The following NRG3 variants were observed in gnomAD, a reference collection of about 807,000 sequenced individuals.
NRG3 encodes the protein neuregulin 3, also known as pro-neuregulin-3, membrane-bound isoform.
A neutral mutation model predicts 66.9 loss-of-function variants in NRG3; 31 were observed. That is an observed-to-expected ratio of 0.46 (90% CI 0.35 to 0.63). NRG3 has a LOEUF of 0.63. NRG3 is among the 20% of genes least tolerant of loss of function. NRG3 has a pLI of 0.00. For synonymous variants in NRG3, 393 were observed against 359.4 expected (o/e 1.09, Z -1.06); for missense variants, 910 against 878.9 (o/e 1.04, Z -0.45).
chr10:82,132,500 T>TATCATATATATATATG (rs374126088), intron 1 of NRG3, among the ~76,000 whole-genome samples: 2 of 46,916 alleles, frequency 4.3e-5, no homozygotes, highest in African/African-American at 1.4e-4. Context: ...ATGATATATA[T>TATCATATATATATATG]ATATCATATA....
intron 1 of NRG3, among the ~76,000 whole-genome samples, chr10:82,241,960 A>G (rs1589440424): frequency 6.6e-6 from 1 of 152,276 alleles, no homozygotes; most frequent in East Asian, 1.9e-4. Flanking sequence ...AGATTACTTG[A>G]TGTAAATTCA....
chr10:82,648,688 G>T (rs555570392), intron 2 of NRG3, among the ~76,000 whole-genome samples: 27 of 152,292 alleles, frequency 1.8e-4, no homozygotes, highest in Middle Eastern at 3.4e-3. Context: ...TCATTGAGCA[G>T]TGGTTTGTAG....
intron 4 of NRG3, among the ~76,000 whole-genome samples, chr10:82,896,081 T>A (rs1390085745): frequency 1.3e-5 from 2 of 152,290 alleles, no homozygotes; most frequent in Non-Finnish European, 1.5e-5. Flanking sequence ...GAGTGGTGTT[T>A]AAGAAATGGA....
At chr10:82,095,257 A>G (rs1303483544) in intron 1 of NRG3, among the ~76,000 whole-genome samples, 1 of 151,578 alleles carries the variant, frequency 6.6e-6, no homozygotes, top group African/African-American at 2.4e-5. Context: ...ATGTTTCTGT[A>G]CTTTTACATG....
At position 82,105,607 on chromosome 10, in the gene NRG3, G is replaced by A. The variant is rs528668539; in HGVS notation, c.823+229444G>A. On this transcript the variant is annotated intron_variant, in intron 1 of 8. Transcript: ENST00000372141. ...GTGTTTGACATTTATTTGTTTGTTT[G>A]CTTGTTGATGCCCTACGTCATCCTC... Among the ~76,000 whole-genome samples, 11 of 152,220 alleles carry A rather than the reference G, an allele frequency of 7.2e-5. No individual in the cohort carries two copies. In the South Asian group the frequency reaches 2.3e-3, roughly 32 times the overall value.
At chr10:82,643,326 A>G (rs1339293945) in intron 2 of NRG3, among the ~76,000 whole-genome samples, 4 of 152,076 alleles carry the variant, frequency 2.6e-5, no homozygotes, top group African/African-American at 9.7e-5. Flanking sequence ...GTTTCCCTGC[A>G]GAAGCTCTCT....
At chr10:82,890,618 A>G (rs1843069050) in intron 4 of NRG3, among the ~76,000 whole-genome samples, 2 of 152,272 alleles carry the variant, frequency 1.3e-5, no homozygotes, top group South Asian at 4.1e-4. Context: ...CTTTGTATAA[A>G]TGTGCTCATT....
intron 2 of NRG3, among the ~76,000 whole-genome samples, chr10:82,409,909 G>T (rs1481254869): frequency 1.3e-5 from 2 of 152,112 alleles, no homozygotes; most frequent in Non-Finnish European, 2.9e-5. Flanking sequence ...ATGTGGCTTT[G>T]TCAGCTTTGT....
intron 1 of NRG3, among the ~76,000 whole-genome samples, chr10:81,985,168 T>C (rs2060474414): frequency 6.6e-6 from 1 of 152,258 alleles, no homozygotes; most frequent in South Asian, 2.1e-4. Flanking sequence ...TCGAGACAAG[T>C]GTTGTTAATA....
intron 3 of NRG3, among the ~76,000 whole-genome samples, chr10:82,854,573 A>G (rs1226406340): frequency 6.6e-6 from 1 of 152,224 alleles, no homozygotes; most frequent in Non-Finnish European, 1.5e-5. Flanking sequence ...ATTGTGTAAA[A>G]CAAAATATAG....
chr10:82,985,014 T>C, intron 8 of NRG3, 84 bp from the exon 9 acceptor site: 2 of 1,494,072 alleles, frequency 1.3e-6, no homozygotes, highest in African/African-American at 1.4e-5. Context: ...AGATGGTGCA[T>C]GTGAAAAGTG....
chr10:82,051,423 G>A (rs1165195473), intron 1 of NRG3, among the ~76,000 whole-genome samples: 14 of 152,038 alleles, frequency 9.2e-5, no homozygotes, highest in Non-Finnish European at 2.9e-5. Flanking sequence ...CCGTGAGGAT[G>A]ACGTCTACTT....
At chr10:82,919,095 G>GTGTGTGTGTT (rs1478656368) in intron 4 of NRG3, among the ~76,000 whole-genome samples, 13 of 128,104 alleles carry the variant, frequency 1.0e-4, no homozygotes, top group Non-Finnish European at 8.3e-5. Flanking sequence ...GTGTGTGTGT[G>GTGTGTGTGTT]TGTGTATGTG....
At chr10:82,230,061 A>G (rs1241054823) in intron 1 of NRG3, 5 of 152,192 alleles carry the variant, frequency 3.3e-5, no homozygotes, top group African/African-American at 7.2e-5. Flanking sequence ...AAACGAATAT[A>G]TGGAGAAAAA....
chr10:82,646,579 A>G (rs556220682), intron 2 of NRG3, among the ~76,000 whole-genome samples: 1 of 152,318 alleles, frequency 6.6e-6, no homozygotes, highest in Non-Finnish European at 1.5e-5. Context: ...ACAAAGCTAG[A>G]TGTTGGTTAA....
At chr10:82,542,623 A>C (rs1318867027) in intron 2 of NRG3, among the ~76,000 whole-genome samples, 4 of 152,258 alleles carry the variant, frequency 2.6e-5, no homozygotes, top group African/African-American at 9.6e-5. Context: ...CAAAGTGAAC[A>C]TCATAAGTAA....
At chr10:82,965,098 T>C (rs1403792533) in intron 6 of NRG3, among the ~76,000 whole-genome samples, 1 of 152,168 alleles carries the variant, frequency 6.6e-6, no homozygotes, top group Non-Finnish European at 1.5e-5. Flanking sequence ...CCAGGGCCTA[T>C]GAAGGAGTTA....
chr10:82,752,202 A>G (rs1261009827), intron 3 of NRG3, among the ~76,000 whole-genome samples: 2 of 152,264 alleles, frequency 1.3e-5, no homozygotes, highest in South Asian at 4.1e-4. Flanking sequence ...TTTTATTTTA[A>G]AAACCTATTT....
intron 1 of NRG3, among the ~76,000 whole-genome samples, chr10:81,961,718 C>T (rs1850381691): frequency 6.6e-6 from 1 of 152,200 alleles, no homozygotes; most frequent in African/African-American, 2.4e-5. Context: ...TGTAAAAGGT[C>T]TGTGATAAAA....
Sources: gnomAD v4.1 joint callset for allele counts (sites outside exome capture counted in the v4.1 genomes callset) on GRCh38, gnomAD v4.1.1 for gene constraint, MANE v1.5 for transcripts, NCBI Gene and HGNC (gene_info 2026-07-23, HGNC 2026-07-21) for gene names.